The following DENND1B variants were observed in gnomAD, a reference collection of about 807,000 sequenced individuals.
DENND1B encodes DENN domain-containing protein 1B.
In DENND1B, 59 loss-of-function variants were observed where a neutral mutation model predicts 90.1. The ratio of observed to expected loss-of-function variants is 0.65; its 90% CI spans 0.53 to 0.81. The LOEUF is 0.81. Among genes scored for constraint, DENND1B ranks in the 40% least tolerant of loss-of-function variants. The probability of loss-of-function intolerance (pLI) is 0.00; values close to 1 mark genes in which losing one functional copy is unlikely to be tolerated. For synonymous variants in DENND1B, 337 were observed against 324.6 expected, an observed-to-expected ratio of 1.04 and a Z score of -0.41; for missense variants, 862 against 912.6, an observed-to-expected ratio of 0.94 and a Z score of 0.71.
intron 15 of DENND1B, among the ~76,000 whole-genome samples, chr1:197,576,701 AT>A (rs1673717711): frequency 6.6e-6 from 1 of 152,158 alleles, no homozygotes; most frequent in Non-Finnish European, 1.5e-5. Context: ...CTCTTTAAAA[AT>A]ATGTATTCTC....
At chr1:197,776,311 G>A (rs935831437), upstream of DENND1B, among the ~76,000 whole-genome samples, 1 of 152,194 alleles carries the variant, frequency 6.6e-6, no homozygotes, top group Non-Finnish European at 1.5e-5. Flanking sequence ...CAAAGCTGGA[G>A]TTCACACCAG....
intron 13 of DENND1B, among the ~76,000 whole-genome samples, chr1:197,599,029 G>A (rs557436044): frequency 3.3e-5 from 5 of 151,864 alleles, no homozygotes; most frequent in South Asian, 4.2e-4. Flanking sequence ...ATTTTAGCAC[G>A]CTGGGAATTC....
chr1:197,542,283 TCAG>T (rs1558218727), intron 18 of DENND1B, among the ~76,000 whole-genome samples: 3 of 151,982 alleles, frequency 2.0e-5, no homozygotes, highest in African/African-American at 7.3e-5. Context: ...ATGGCCCCTA[TCAG>T]CATAGAAAAA....
chr1:197,716,864 T>C (rs1660693081), intron 2 of DENND1B, among the ~76,000 whole-genome samples: 4 of 152,132 alleles, frequency 2.6e-5, no homozygotes, highest in Admixed American at 2.0e-4. Flanking sequence ...ACTTATGTTA[T>C]TGAATAGCTT....
In DENND1B at chr1:197,656,263, G is replaced by A. The variant is rs931791140; in HGVS notation, c.366+2037C>T. ...AACACCAAAATTTTAGGTGTAGATG[G>A]ACAAAAAAGGCCCAAAAGAGAAGGT... On this transcript the variant is annotated intron_variant, in intron 6 of 22. Transcript: ENST00000620048. Among the ~76,000 whole-genome samples, 12 of 150,088 alleles carry A rather than the reference G, an allele frequency of 8.0e-5. 1 individual carries two copies. Among genetic ancestry groups the A allele is most frequent in the Admixed American group, 7.3e-4 (11 of 15,112 alleles).
At chr1:197,514,517 T>C (rs1469269883) in intron 20 of DENND1B, among the ~76,000 whole-genome samples, 1 of 151,686 alleles carries the variant, frequency 6.6e-6, no homozygotes, top group Non-Finnish European at 1.5e-5. Flanking sequence ...GAGCTATAAC[T>C]TGAAATATTC....
intron 20 of DENND1B, among the ~76,000 whole-genome samples, chr1:197,526,710 TTA>T (rs1433716801): frequency 1.3e-5 from 2 of 152,272 alleles, no homozygotes; most frequent in Non-Finnish European, 2.9e-5. Context: ...TTATCTTCCA[TTA>T]TATGTTATTA....
At chr1:197,699,078 T>C (rs984896868) in intron 3 of DENND1B, among the ~76,000 whole-genome samples, 5 of 152,150 alleles carry the variant, frequency 3.3e-5, no homozygotes, top group Non-Finnish European at 4.4e-5. Flanking sequence ...AGCATAATCC[T>C]GATACCAAAA....
chr1:197,683,038 TA>T (rs1233771493), intron 3 of DENND1B, among the ~76,000 whole-genome samples: 1 of 151,882 alleles, frequency 6.6e-6, no homozygotes, highest in African/African-American at 2.4e-5. Context: ...TTGTCTGGGG[TA>T]GGGGGAGGAG....
At chr1:197,754,929 T>A (rs1268091209) in intron 2 of DENND1B, among the ~76,000 whole-genome samples, 1 of 152,190 alleles carries the variant, frequency 6.6e-6, no homozygotes, top group African/African-American at 2.4e-5. Context: ...TTGAATCTTT[T>A]GCAATGGGCC....
At chr1:197,602,222 C>A (rs796773948) in intron 13 of DENND1B, among the ~76,000 whole-genome samples, 9 of 151,618 alleles carry the variant, frequency 5.9e-5, no homozygotes, top group African/African-American at 1.9e-4. Flanking sequence ...AAGCAAGTTT[C>A]TATTACAAAA....
intron 2 of DENND1B, among the ~76,000 whole-genome samples, chr1:197,752,078 A>T (rs1164441310): frequency 1.3e-5 from 2 of 151,766 alleles, no homozygotes; most frequent in Non-Finnish European, 2.9e-5. Flanking sequence ...AAAACAGAAA[A>T]TGGAGACATG....
In DENND1B at chr1:197,595,433, C is replaced by G. The variant is rs925179549; in HGVS notation, c.922-100G>C. 5.7e-6 allele frequency: 8 copies of G among 1,414,906 alleles called. No individual in the cohort carries two copies. In the African/African-American group the frequency reaches 1.2e-4, roughly 21 times the overall value. 87.6% of individuals were successfully genotyped at this position (1,414,906 alleles called of 1,614,324 possible). A position where few individuals can be genotyped will look rare whatever the true frequency, so the allele number is the denominator to read the frequency against. On this transcript the variant is annotated intron_variant, in intron 13 of 22. Transcript: ENST00000620048. ...CAAACCACAGTGTCTGTAGGTCAGC[C>G]AAAAATTCATCCTCCTCCCTGATAG...
chr1:197,651,036 AT>A (rs1194207815), intron 7 of DENND1B, among the ~76,000 whole-genome samples: 2 of 152,158 alleles, frequency 1.3e-5, no homozygotes, highest in African/African-American at 4.8e-5. Context: ...AAATTAATTA[AT>A]TTTTAAAAAG....
chr1:197,731,346 T>C (rs887791468), intron 2 of DENND1B, among the ~76,000 whole-genome samples: 2 of 152,192 alleles, frequency 1.3e-5, no homozygotes, highest in Admixed American at 1.3e-4. Flanking sequence ...AATATGCTTA[T>C]ATTTGTTGTA....
At chr1:197,616,042 G>A (rs557215983) in intron 11 of DENND1B, among the ~76,000 whole-genome samples, 3 of 151,030 alleles carry the variant, frequency 2.0e-5, no homozygotes, top group Admixed American at 6.6e-5. Context: ...ATTTTAGAAA[G>A]TCTTAAATGT....
chr1:197,541,857 A>C (rs1232610743), intron 18 of DENND1B, among the ~76,000 whole-genome samples: 2 of 152,166 alleles, frequency 1.3e-5, no homozygotes, highest in African/African-American at 2.4e-5. Flanking sequence ...ACTCAGGGAG[A>C]CTGTAATCTA....
At chr1:197,641,055 C>A (rs1680229198) in intron 10 of DENND1B, among the ~76,000 whole-genome samples, 1 of 152,208 alleles carries the variant, frequency 6.6e-6, no homozygotes, top group African/African-American at 2.4e-5. Flanking sequence ...ATTATGTAAC[C>A]CTAGCTAATA....
chr1:197,668,763 C>G (rs1655193016), intron 5 of DENND1B, among the ~76,000 whole-genome samples: 1 of 151,856 alleles, frequency 6.6e-6, no homozygotes, highest in Admixed American at 6.6e-5. Context: ...TAGAAATAAT[C>G]CTGGATTTAA....
Sources: gnomAD v4.1 joint callset for allele counts (sites outside exome capture counted in the v4.1 genomes callset) on GRCh38, gnomAD v4.1.1 for gene constraint, MANE v1.5 for transcripts, NCBI Gene and HGNC (gene_info 2026-07-23, HGNC 2026-07-21) for gene names.